KIF5A: variants seen among roughly 807,000 people sequenced by gnomAD.
The protein encoded by KIF5A is kinesin family member 5A, also known as kinesin heavy chain isoform 5A.
A neutral mutation model predicts 141.3 loss-of-function variants in KIF5A; 35 were observed. The ratio of observed to expected loss-of-function variants is 0.25; its 90% CI spans 0.19 to 0.33. The LOEUF is 0.33. Ranked by LOEUF, KIF5A falls within the 10% of genes least tolerant of loss-of-function variation. The pLI is 1.00. For synonymous variants in KIF5A, 448 were observed against 500.2 expected, an observed-to-expected ratio of 0.90 and a Z score of 1.39; for missense variants, 861 against 1,314.3, an observed-to-expected ratio of 0.66 and a Z score of 5.33.
chr12:57,581,383 C>T (rs372777086), intron 24 of KIF5A, 32 bp from the exon 25 acceptor site: 1 of 1,612,698 alleles, frequency 6.2e-7, no homozygotes, highest in African/African-American at 1.3e-5. Context: ...GGGTCATAGC[C>T]TCCTCATGGT....
At chr12:57,571,510 C>T (rs999999481) in intron 13 of KIF5A, 121 bp downstream of exon 13, 4 of 908,014 alleles carry the variant, frequency 4.4e-6, no homozygotes, top group African/African-American at 1.7e-5. Context: ...ATTAATCACT[C>T]CCCTAAACAG....
Position 57,567,382 on chromosome 12 carries a change from C to A in KIF5A, c.590-112C>A. The A allele has an allele frequency of 2.7e-6, 3 of 1,104,300 alleles. No homozygotes were observed. In the South Asian group the frequency reaches 3.8e-5, roughly 14 times the overall value. 68.4% of individuals were successfully genotyped at this position (1,104,300 alleles called of 1,614,324 possible). ...GGGAGATGTGGCAGCAGGGCTAGTCCTGGTGGGCACCTTCTCTCTGGGTGG... is the reference window on the plus strand; with the variant it reads ...GGGAGATGTGGCAGCAGGGCTAGTCATGGTGGGCACCTTCTCTCTGGGTGG... On this transcript the variant is annotated intron_variant, in intron 7 of 28. Transcript: ENST00000455537.
intron 1 of KIF5A, among the ~76,000 whole-genome samples, chr12:57,551,829 C>T (rs1007311849): frequency 6.6e-6 from 1 of 151,980 alleles, no homozygotes; most frequent in Admixed American, 6.6e-5. Flanking sequence ...CTGTCACCAC[C>T]TTGCACCCTT....
chr12:57,550,218 C>G lies in KIF5A; in HGVS notation c.-54C>G. On this transcript the variant is annotated 5_prime_UTR_variant, in exon 1 of 29. Coordinates refer to ENST00000455537, the MANE Select transcript of KIF5A (RefSeq NM_004984.4). The surrounding 1 kb of genome is among the most constrained non-coding windows in gnomAD (Gnocchi z 4.6). ...CTGCTGAGAGCCCTCTCCTCTGGAG[C>G]ACACACCACCCCTGCAGCCCAAGAA... 1 of 1,611,778 alleles carries G rather than the reference C, an allele frequency of 6.2e-7. No homozygotes were observed. Among genetic ancestry groups the G allele is most frequent in the African/African-American group, 1.3e-5 (1 of 75,018 alleles).
rs1239869377 is a variant in KIF5A, at chr12:57,569,833, G to GA, written c.1117+152dup. 4 of 1,388,878 alleles carry GA rather than the reference G, an allele frequency of 2.9e-6. No homozygotes were observed. In the East Asian group the frequency reaches 9.6e-5, roughly 33 times the overall value. The allele number at this position is 1,388,878 out of a possible 1,614,324, so 86.0% of individuals were successfully genotyped here. On this transcript the variant is annotated intron_variant, in intron 11 of 28. Transcript: ENST00000455537. ...CAGGTGCAGTAGAGCAGTCATGGGGGAAGGGAGGGGCCTGACTACCTACCT... is the reference window on the plus strand; with the variant it reads ...CAGGTGCAGTAGAGCAGTCATGGGGGAAAGGGAGGGGCCTGACTACCTACCT...
At chr12:57,567,082 TAAA>T (rs1179521104) in intron 6 of KIF5A, 41 bp from the exon 7 acceptor site, 1 of 1,211,152 alleles carries the variant, frequency 8.3e-7, no homozygotes, top group African/African-American at 1.5e-5. Context: ...AATACAAACT[TAAA>T]AAACAAAGCT....
intron 1 of KIF5A, among the ~76,000 whole-genome samples, chr12:57,554,766 T>C (rs1881681237): frequency 6.6e-6 from 1 of 152,122 alleles, no homozygotes; most frequent in African/African-American, 2.4e-5. Context: ...AGGAATCACA[T>C]GGCGAGAGAG....
chr12:57,581,178 T>A lies in KIF5A; in HGVS notation c.2755+6T>A. ...GGGCCATTCTGCCCAGATTGGTGAG[T>A]AGGTGTTAGCAGGCAAGGTGGGAGT... On this transcript the variant is annotated splice_donor_region_variant and intron_variant, in intron 24 of 28. Coordinates refer to ENST00000455537, the MANE Select transcript of KIF5A (RefSeq NM_004984.4). The A allele has an allele frequency of 6.2e-7, 1 of 1,612,636 alleles. No homozygotes were observed. The highest frequency in any genetic ancestry group is 2.2e-5 in the East Asian group (1 of 44,870).
At chr12:57,568,308 A>G (rs1046656867) in intron 8 of KIF5A, among the ~76,000 whole-genome samples, 12 of 152,192 alleles carry the variant, frequency 7.9e-5, no homozygotes, top group Admixed American at 2.6e-4. Flanking sequence ...TACGCTATCC[A>G]ATTCTAGAGC....
chr12:57,576,113 G>A lies in KIF5A; in HGVS notation c.2050G>A (p.Asp684Asn). ...QETVHEVALKDKEPDTQDADE... is the reference protein window; with the variant it reads ...QETVHEVALKNKEPDTQDADE... ...AACTGTGCATGAAGTGGCCCTGAAG[G>A]ACAAGGAGCCTGACACTCAGGATGC... Residue 684 changes from aspartate to asparagine, a missense_variant, in exon 18 of 29, where the codon GAC becomes AAC. Coordinates refer to ENST00000455537, the MANE Select transcript of KIF5A (RefSeq NM_004984.4). 2 of 1,614,222 alleles carry A rather than the reference G, an allele frequency of 1.2e-6. No homozygotes were observed. Among genetic ancestry groups the A allele is most frequent in the South Asian group, 1.1e-5 (1 of 91,086 alleles).
chr12:57,559,022 C>T (rs1304256726), intron 1 of KIF5A, among the ~76,000 whole-genome samples: 1 of 152,214 alleles, frequency 6.6e-6, no homozygotes, highest in African/African-American at 2.4e-5. Flanking sequence ...AAGGATCCTC[C>T]AGACTTGACC....
At chr12:57,571,078 G>A (rs1435517812) in intron 12 of KIF5A, among the ~76,000 whole-genome samples, 1 of 151,660 alleles carries the variant, frequency 6.6e-6, no homozygotes, top group Non-Finnish European at 1.5e-5. Flanking sequence ...TGGGATTAAA[G>A]GCATGCACCA....
intron 1 of KIF5A, among the ~76,000 whole-genome samples, chr12:57,553,677 C>T (rs1881646898): frequency 6.6e-6 from 1 of 152,062 alleles, no homozygotes; most frequent in Non-Finnish European, 1.5e-5. Context: ...GATCTTAAAC[C>T]CCCAGCCCCA....
At chr12:57,558,472 A>G (rs10783831) in intron 1 of KIF5A, among the ~76,000 whole-genome samples, 143,987 of 152,120 alleles carry the variant, frequency 0.95, 68,624 homozygotes, top group East Asian at 1. Flanking sequence ...TCAGGAGTTC[A>G]AGACCAGCCT....
At position 57,585,319 on chromosome 12, in the gene KIF5A, T is replaced by G. The variant is rs1460466999; in HGVS notation, c.*1138T>G. 6.5e-6 allele frequency: 1 copy of G among 154,242 alleles called. No individual in the cohort carries two copies. The highest frequency in any genetic ancestry group is 2.4e-5 in the African/African-American group (1 of 41,448). The allele number at this position is 154,242 out of a possible 1,614,324, so 9.6% of individuals were successfully genotyped here. On this transcript the variant is annotated 3_prime_UTR_variant, in exon 29 of 29. Transcript: ENST00000455537. Reference sequence around the variant, plus strand: ...TTTTTTTTCTCCACAAAGAGTTCCTTCTCTAATGTCCCCATCTGGTATTAA... The same window carrying G: ...TTTTTTTTCTCCACAAAGAGTTCCTGCTCTAATGTCCCCATCTGGTATTAA...
At position 57,572,397 on chromosome 12, in the gene KIF5A, C is replaced by A. The variant is rs2140165395; in HGVS notation, c.1569+130C>A. The stretch of plus-strand genomic sequence containing the variant: ...CACTGCTGTTCAGTGCATTGTGAGT[C>A]CCTCCCCAACCCTGTCACTGCACTT... On this transcript the variant is annotated intron_variant, in intron 14 of 28. Coordinates refer to ENST00000455537, the MANE Select transcript of KIF5A (RefSeq NM_004984.4). This position sits in a 1 kb window ranked among gnomAD's most constrained non-coding sequence, Gnocchi z 4.2. 1 of 1,219,290 alleles carries A rather than the reference C, an allele frequency of 8.2e-7. No homozygotes were observed. Among genetic ancestry groups the A allele is most frequent in the Non-Finnish European group, 1.2e-6 (1 of 847,882 alleles). The allele number at this position is 1,219,290 out of a possible 1,614,324, so 75.5% of individuals were successfully genotyped here.
chr12:57,573,699 C>T (rs540356634), intron 15 of KIF5A, among the ~76,000 whole-genome samples: 1 of 151,942 alleles, frequency 6.6e-6, no homozygotes, highest in East Asian at 1.9e-4. Flanking sequence ...TGTGGTGGCT[C>T]ATGCCTGTAA....
Position 57,575,607 on chromosome 12 carries a change from A to T in KIF5A, c.1906-33A>T, listed in dbSNP as rs776192973. ...GGCCTGGGTTTGTGTCCTTTGCTCC[A>T]TCTTCTTCCTCTCACCAACTTTCTC... On this transcript the variant is annotated intron_variant, in intron 16 of 28. Coordinates refer to ENST00000455537, the MANE Select transcript of KIF5A (RefSeq NM_004984.4). 5.7e-6 allele frequency: 9 copies of T among 1,571,792 alleles called. No individual in the cohort carries two copies. In the South Asian group the frequency reaches 1.0e-4, roughly 17 times the overall value.
At chr12:57,583,916 C>G (rs1052368081) in intron 28 of KIF5A, among the ~76,000 whole-genome samples, 7 of 152,190 alleles carry the variant, frequency 4.6e-5, no homozygotes, top group African/African-American at 1.7e-4. Context: ...GAGAACATGG[C>G]CAGTCTCTTA....
Sources: allele counts gnomAD v4.1 joint callset (sites outside exome capture counted in the v4.1 genomes callset), GRCh38; gene constraint gnomAD v4.1.1; non-coding constraint Gnocchi (gnomAD v3.1); transcripts MANE v1.5; gene names NCBI Gene and HGNC (gene_info 2026-07-23, HGNC 2026-07-21).